The following PI4KA variants were observed in gnomAD, a reference collection of about 807,000 sequenced individuals.
PI4KA encodes phosphatidylinositol 4-kinase alpha.
PI4KA carries 122 observed loss-of-function variants against 271.4 expected under a neutral mutation model. That is an observed-to-expected ratio of 0.45 (90% confidence interval 0.39 to 0.52). The LOEUF (loss-of-function observed/expected upper bound fraction) is 0.52, where lower values mean the gene tolerates loss of function less well. Ranked by LOEUF, PI4KA falls within the 20% of genes least tolerant of loss-of-function variation. The pLI is 0.00. For missense variants in PI4KA, 1,969 were observed against 2,769.1 expected (o/e 0.71, Z 6.48); for synonymous variants, 1,041 against 1,078.8 (o/e 0.96, Z 0.69).
At chr22:20,856,167 C>A (rs1927573750) in intron 1 of PI4KA, among the ~76,000 whole-genome samples, 1 of 152,096 alleles carries the variant, frequency 6.6e-6, no homozygotes, top group Non-Finnish European at 1.5e-5. Flanking sequence ...AAAAAATTTG[C>A]CCGGGGTGGT....
At chr22:20,836,213 C>T (rs1198230396) in intron 2 of PI4KA, among the ~76,000 whole-genome samples, 12 of 152,026 alleles carry the variant, frequency 7.9e-5, no homozygotes, top group Admixed American at 6.6e-4. Flanking sequence ...TGATTCCTGC[C>T]CCCAGCTTTT....
At chr22:20,834,128 A>G (rs142134339) in intron 3 of PI4KA, among the ~76,000 whole-genome samples, 18 of 152,216 alleles carry the variant, frequency 1.2e-4, no homozygotes, top group African/African-American at 4.3e-4. Context: ...TACAGTGAAC[A>G]TTGCTGTTGG....
intron 32 of PI4KA, among the ~76,000 whole-genome samples, chr22:20,741,191 A>G (rs565717026): frequency 1.3e-5 from 2 of 152,334 alleles, no homozygotes; most frequent in Admixed American, 6.5e-5. Context: ...CCACAGTGGC[A>G]ATGGTATACA....
At chr22:20,739,037 C>CAAA (rs1214493282) in intron 32 of PI4KA, among the ~76,000 whole-genome samples, 1 of 45,616 alleles carries the variant, frequency 2.2e-5, no homozygotes, top group Non-Finnish European at 4.1e-5. Flanking sequence ...GACTCAGTCA[C>CAAA]AAAAAAAAAA....
chr22:20,747,664 C>T lies in PI4KA; in HGVS notation c.3282G>A (p.Leu1094=), dbSNP rs764106896. ...LNKHQNWVSG[L]SQHTGLAMAT... is the part of the protein sequence containing the mutation. ...CCATGGCCAGCCCCGTGTGCTGGGA[C>T]AGTCCCGATACCCAGTTCTGATGTT... is the stretch of plus-strand genomic sequence containing the variant. Residue 1094 remains leucine (L), a synonymous_variant, in exon 29 of 55, where the codon CTG becomes CTA. Transcript: ENST00000255882. 1.2e-6 allele frequency: 2 copies of T among 1,613,596 alleles called. No individual in the cohort carries two copies. Among genetic ancestry groups the T allele is most frequent in the East Asian group, 2.2e-5 (1 of 44,876 alleles).
intron 19 of PI4KA, among the ~76,000 whole-genome samples, chr22:20,773,676 G>A (rs1175471439): frequency 1.3e-5 from 2 of 152,130 alleles, no homozygotes; most frequent in Non-Finnish European, 2.9e-5. Context: ...AGGGACACCC[G>A]CCTAGTAGCT....
At chr22:20,825,308 G>A (rs1388876466) in intron 3 of PI4KA, among the ~76,000 whole-genome samples, 1 of 152,016 alleles carries the variant, frequency 6.6e-6, no homozygotes, top group African/African-American at 2.4e-5. Context: ...TCAAATTGCA[G>A]GACAGACTGG....
intron 44 of PI4KA, 128 bp from the exon 45 acceptor site, chr22:20,717,906 G>A (rs1926213582): frequency 2.1e-5 from 14 of 672,950 alleles, no homozygotes; most frequent in Non-Finnish European, 3.0e-5. Flanking sequence ...TGCTCCTAGC[G>A]CAGCCAGGCA....
intron 1 of PI4KA, among the ~76,000 whole-genome samples, chr22:20,857,728 A>T (rs1441981981): frequency 6.6e-6 from 1 of 152,212 alleles, no homozygotes; most frequent in African/African-American, 2.4e-5. Context: ...ATAAGGATAC[A>T]GAGGCTCTAA....
Position 20,774,676 on chromosome 22 carries a change from G to A in PI4KA, c.2329-8983C>T, listed in dbSNP as rs577378766. Among the ~76,000 whole-genome samples the A allele has an allele frequency of 2.6e-4, 39 of 151,220 alleles. No individual in the cohort carries two copies. In the East Asian group the frequency reaches 6.6e-3, roughly 26 times the overall value. On this transcript the variant is annotated intron_variant, in intron 19 of 54. Transcript: ENST00000255882. ...CTCAGGAGGCTGAGGCAGGAGAATC[G>A]CTTAAACCCGGGAGGCAGAGGTTGC...
At chr22:20,731,934 AT>A (rs1555882285) in intron 36 of PI4KA, among the ~76,000 whole-genome samples, 25 of 58,128 alleles carry the variant, frequency 4.3e-4, no homozygotes, top group African/African-American at 1.5e-3. Context: ...GTCTCAAAAA[AT>A]AAAAATAAAA....
intron 2 of PI4KA, among the ~76,000 whole-genome samples, chr22:20,838,132 AAAC>A (rs1569089304): frequency 6.6e-6 from 1 of 152,082 alleles, no homozygotes; most frequent in East Asian, 1.9e-4. Flanking sequence ...AAAAAAAAAA[AAAC>A]AAGATACACT....
chr22:20,721,139 T>C (rs1331578115), intron 43 of PI4KA, among the ~76,000 whole-genome samples, 159 bp downstream of exon 43: 1 of 151,834 alleles, frequency 6.6e-6, no homozygotes, highest in Non-Finnish European at 1.5e-5. Context: ...CCTGCTCCCC[T>C]GTGTGCTGAA....
intron 3 of PI4KA, among the ~76,000 whole-genome samples, chr22:20,827,780 G>T (rs1004938299): frequency 1.5e-4 from 23 of 152,004 alleles, no homozygotes; most frequent in African/African-American, 5.6e-4. Context: ...CTGGTTAGCT[G>T]TATTCCAAGG....
At chr22:20,813,577 C>T (rs1921356329) in intron 7 of PI4KA, 71 bp from the exon 8 acceptor site, 2 of 1,393,514 alleles carry the variant, frequency 1.4e-6, no homozygotes, top group Admixed American at 4.1e-5. Flanking sequence ...AGCTGACTCC[C>T]CCAATAACCA....
chr22:20,803,907 G>A (rs1388217180), intron 12 of PI4KA, among the ~76,000 whole-genome samples: 1 of 152,244 alleles, frequency 6.6e-6, no homozygotes, highest in African/African-American at 2.4e-5. Context: ...ACAATGGCAG[G>A]TGTGGAGTCA....
chr22:20,831,781 C>A (rs1924208079), intron 3 of PI4KA, among the ~76,000 whole-genome samples: 1 of 152,068 alleles, frequency 6.6e-6, no homozygotes, highest in African/African-American at 2.4e-5. Flanking sequence ...CTTGGAGAAT[C>A]TGATGACTAT....
intron 19 of PI4KA, among the ~76,000 whole-genome samples, chr22:20,772,596 T>C (rs940926735): frequency 3.3e-5 from 5 of 152,102 alleles, no homozygotes; most frequent in African/African-American, 4.8e-5. Flanking sequence ...AACGGAGCAA[T>C]GCACAGACAC....
chr22:20,806,233 T>C (rs1601539402), intron 10 of PI4KA, among the ~76,000 whole-genome samples: 2 of 152,284 alleles, frequency 1.3e-5, no homozygotes, highest in Admixed American at 6.5e-5. Flanking sequence ...CGAAGAACAC[T>C]CAACAGTGTG....
Sources: gnomAD v4.1 joint callset for allele counts (sites outside exome capture counted in the v4.1 genomes callset) on GRCh38, gnomAD v4.1.1 for gene constraint, MANE v1.5 for transcripts, NCBI Gene and HGNC (gene_info 2026-07-23, HGNC 2026-07-21) for gene names.